Variants in PIEZO1 observed in about 807,000 individuals in gnomAD.
PIEZO1 encodes piezo-type mechanosensitive ion channel component 1.
PIEZO1 carries 296 observed loss-of-function variants against 297.2 expected under a neutral mutation model. The observed-to-expected ratio is 1.00, with a 90% CI of 0.91 to 1.10. The LOEUF is 1.10. Among genes scored for constraint, PIEZO1 ranks in the 50% least tolerant of loss-of-function variants. PIEZO1 has a pLI of 0.00. For missense variants in PIEZO1, 5,018 were observed against 3,455.5 expected, an observed-to-expected ratio of 1.45 and a Z score of -11.34; for synonymous variants, 2,427 against 1,507.5, an observed-to-expected ratio of 1.61 and a Z score of -14.13.
chr16:88,783,195 T>A (rs1043786336), intron 1 of PIEZO1, among the ~76,000 whole-genome samples: 1 of 152,064 alleles, frequency 6.6e-6, no homozygotes, highest in African/African-American at 2.4e-5. Context: ...CCCACGCGGA[T>A]AGCAATCGAG....
chr16:88,752,071 G>A (rs528504889), intron 1 of PIEZO1, among the ~76,000 whole-genome samples: 45 of 152,354 alleles, frequency 3.0e-4, no homozygotes, highest in African/African-American at 9.9e-4. Context: ...AGGTGGTGCC[G>A]TGCGTGCAGT....
rs1905200753 is a variant in PIEZO1, at chr16:88,736,185, T to C, written c.1520A>G (p.Glu507Gly). Residue 507 changes from glutamate (E) to glycine (G), a missense_variant, in exon 12 of 51, where the codon GAG (glutamate) becomes GGG (glycine). Coordinates refer to ENST00000301015, the MANE Select transcript of PIEZO1 (RefSeq NM_001142864.4). The part of the protein sequence containing the change: ...GPVSLRQLGL[E>G]HTRYPCLDLG... ...GTCCAGACAGGGGTAGCGGGTGTGC[T>C]CCAGCCCCAGCTGGCGCAGGCTGAC... The C allele has an allele frequency of 3.9e-6, 6 of 1,549,020 alleles. No homozygotes were observed. Among genetic ancestry groups the C allele is most frequent in the African/African-American group, 1.4e-5 (1 of 73,090 alleles).
intron 1 of PIEZO1, among the ~76,000 whole-genome samples, chr16:88,779,362 C>T (rs1044717809): frequency 3.9e-5 from 6 of 152,144 alleles, no homozygotes; most frequent in East Asian, 1.9e-4. Flanking sequence ...TGGACGGCGT[C>T]GGGGGAGCCC....
In PIEZO1 at chr16:88,727,582, C is replaced by T; in HGVS notation, c.3276G>A (p.Arg1092=). The change falls in exon 23 of 51, where the codon CGG becomes CGA. Residue 1092 remains arginine, a synonymous_variant. Coordinates refer to ENST00000301015, the MANE Select transcript of PIEZO1 (RefSeq NM_001142864.4). ...TGATGAGGTTGGTGGAGTTGGGGGC[C>T]CGGAAGAAATCAGGCAGGTACAGCC... The part of the protein sequence containing the change: ...IKWLYLPDFF[R]APNSTNLISD... 6.5e-7 allele frequency: 1 copy of T among 1,528,270 alleles called. No homozygotes were observed. Among genetic ancestry groups the T allele is most frequent in the Non-Finnish European group, 8.8e-7 (1 of 1,132,104 alleles). 94.7% of individuals were successfully genotyped at this position (1,528,270 alleles called of 1,614,324 possible). A position where few individuals can be genotyped will look rare whatever the true frequency, so the allele number is the denominator to read the frequency against.
chr16:88,721,137 C>A (rs185193197), intron 39 of PIEZO1, 29 bp downstream of exon 39: 2 of 1,463,918 alleles, frequency 1.4e-6, no homozygotes, highest in East Asian at 5.0e-5. Flanking sequence ...ACTGGGTAGG[C>A]AGGAGGTTGT....
intron 1 of PIEZO1, among the ~76,000 whole-genome samples, chr16:88,753,318 C>T (rs1236479256): frequency 1.6e-5 from 2 of 123,060 alleles, no homozygotes; most frequent in African/African-American, 3.2e-5. Flanking sequence ...ACACCTCCCG[C>T]CCCCGGAGCA....
intron 30 of PIEZO1, among the ~76,000 whole-genome samples, chr16:88,724,301 C>T (rs1253876043): frequency 2.6e-5 from 4 of 152,200 alleles, no homozygotes; most frequent in Non-Finnish European, 5.9e-5. Context: ...GAGGCTGAGG[C>T]GGGCGGATCA....
At position 88,715,808 on chromosome 16, in the gene PIEZO1, C is replaced by A; in HGVS notation, c.7363G>T (p.Val2455Leu). 6 of 1,550,282 alleles carry A rather than the reference C, an allele frequency of 3.9e-6. No individual in the cohort carries two copies. Among genetic ancestry groups the A allele is most frequent in the Non-Finnish European group, 5.2e-6 (6 of 1,146,948 alleles). Residue 2455 changes from valine (V) to leucine (L), a missense_variant, in exon 51 of 51, where the codon GTG becomes TTG. Val to Leu is a conservative substitution (Grantham distance 32). Coordinates refer to ENST00000301015, the MANE Select transcript of PIEZO1 (RefSeq NM_001142864.4). ...GAGATCTCGCTGAAGAATCCGCGCA[C>A]GAACTTGCCGATGACCAGCACGATG... ...VSIVLVIGKF[V>L]RGFFSEISHS... is the part of the protein sequence containing the mutation.
chr16:88,717,475 G>C (rs1004973202), intron 44 of PIEZO1: 1 of 599,172 alleles, frequency 1.7e-6, no homozygotes, highest in South Asian at 1.6e-5. Flanking sequence ...CACGGTGCAG[G>C]CACCGCCCCA....
rs1342022886 is a variant in PIEZO1, at chr16:88,715,427, G to C, written c.*178C>G. The C allele has an allele frequency of 3.2e-6, 3 of 925,712 alleles. No homozygotes were observed. The highest frequency in any genetic ancestry group is 3.3e-5 in the African/African-American group (2 of 60,400). The allele number at this position is 925,712 out of a possible 1,614,324, so 57.3% of individuals were successfully genotyped here. A position where few individuals can be genotyped will look rare whatever the true frequency, so the allele number is the denominator to read the frequency against. Reference sequence around the variant, plus strand: ...GGGGGACGGCAGCGCCACGCAGGCCGTGGGGACGCAGTGTCCTTCTCTGAC... The same window carrying C: ...GGGGGACGGCAGCGCCACGCAGGCCCTGGGGACGCAGTGTCCTTCTCTGAC... On this transcript the variant is annotated 3_prime_UTR_variant, in exon 51 of 51. Transcript: ENST00000301015.
intron 30 of PIEZO1, among the ~76,000 whole-genome samples, chr16:88,724,352 G>A (rs964177119): frequency 2.0e-5 from 3 of 152,130 alleles, no homozygotes; most frequent in African/African-American, 7.2e-5. Flanking sequence ...CCAATATGGT[G>A]AAACCCCATC....
rs982201393 is a variant in PIEZO1 at position 88,735,188 on chromosome 16, A to G, written c.1616T>C (p.Leu539Pro). Residue 539 changes from leucine (L) to proline (P), a missense_variant, in exon 13 of 51, where the codon CTG (leucine) becomes CCG (proline). Physicochemically the swap from Leu to Pro is moderately conservative, Grantham distance 98 (BLOSUM62 -3). Transcript: ENST00000301015. The part of the protein sequence containing the change: ...LLRQFVKEKL[L>P]KWAESPAALT... ...CGCAGCTGGAGACTCTGCCCACTTC[A>G]GCAGCTTCTCTTTCACAAACTGGCG... 3 of 1,550,410 alleles carry G rather than the reference A, an allele frequency of 1.9e-6. No individual in the cohort carries two copies. Among genetic ancestry groups the G allele is most frequent in the Non-Finnish European group, 2.6e-6 (3 of 1,146,944 alleles).
chr16:88,722,466 G>A (rs552279557), intron 35 of PIEZO1, 69 bp from the exon 36 acceptor site: 2 of 1,450,764 alleles, frequency 1.4e-6, no homozygotes, highest in Admixed American at 2.5e-5. Flanking sequence ...GGGAGGGTCA[G>A]GGTGGAAAGT....
chr16:88,781,941 C>G (rs544487339), intron 1 of PIEZO1, among the ~76,000 whole-genome samples: 1 of 152,248 alleles, frequency 6.6e-6, no homozygotes, highest in Non-Finnish European at 1.5e-5. Flanking sequence ...GGCTGTGCCA[C>G]GAGGCACCCT....
intron 22 of PIEZO1, chr16:88,731,443 C>T: frequency 2.0e-6 from 1 of 498,844 alleles, no homozygotes; most frequent in Non-Finnish European, 3.6e-6. Context: ...CACAACTTTC[C>T]TGAAGGTTTG....
At chr16:88,764,896 C>G (rs554655838) in intron 1 of PIEZO1, among the ~76,000 whole-genome samples, 4 of 152,214 alleles carry the variant, frequency 2.6e-5, no homozygotes, top group African/African-American at 9.7e-5. Context: ...ACCATGGCCC[C>G]AGCAACTCAC....
intron 5 of PIEZO1, chr16:88,739,830 G>A (rs147614498): frequency 1.6e-4 from 23 of 142,008 alleles, no homozygotes; most frequent in Non-Finnish European, 2.5e-4. Context: ...GGGCGCCATC[G>A]CTCACCCCAC....
At chr16:88,780,391 T>A (rs1198933652) in intron 1 of PIEZO1, among the ~76,000 whole-genome samples, 1 of 134,140 alleles carries the variant, frequency 7.5e-6, no homozygotes, top group East Asian at 2.3e-4. Context: ...TGGGTGGGGG[T>A]AGGGGAAGGG....
chr16:88,721,408 T>A lies in PIEZO1; in HGVS notation c.5426A>T (p.Glu1809Val). The change falls in exon 39 of 51, where the codon GAG becomes GTG. Residue 1809 changes from glutamate to valine, a missense_variant. Physicochemically the swap from Glu to Val is moderately radical, Grantham distance 121. Coordinates refer to ENST00000301015, the MANE Select transcript of PIEZO1 (RefSeq NM_001142864.4). ...QLLCYGLWDH[E>V]EDSPSKEHDK... ...ATGCTCCTTGGATGGTGAGTCCTCCTCATGGTCCCAGAGGCCATAGCACTG... is the reference window on the plus strand; with the variant it reads ...ATGCTCCTTGGATGGTGAGTCCTCCACATGGTCCCAGAGGCCATAGCACTG... 6.5e-7 allele frequency: 1 copy of A among 1,549,698 alleles called. No homozygotes were observed. Among genetic ancestry groups the A allele is most frequent in the East Asian group, 2.4e-5 (1 of 40,894 alleles).
Sources: gnomAD v4.1 joint callset for allele counts (sites outside exome capture counted in the v4.1 genomes callset) on GRCh38, gnomAD v4.1.1 for gene constraint, MANE v1.5 for transcripts, NCBI Gene and HGNC (gene_info 2026-07-23, HGNC 2026-07-21) for gene names.